MAP4: variants seen among roughly 807,000 people sequenced by gnomAD.
The protein encoded by MAP4 is microtubule associated protein 4.
A neutral mutation model predicts 170.2 loss-of-function variants in MAP4; 76 were observed. That is an observed-to-expected ratio of 0.45 (90% CI 0.37 to 0.54). The LOEUF (loss-of-function observed/expected upper bound fraction) is 0.54, where lower values mean the gene tolerates loss of function less well. Ranked by LOEUF, MAP4 falls within the 20% of genes least tolerant of loss-of-function variation. MAP4 has a pLI of 0.00. For synonymous variants in MAP4, 909 were observed against 994.5 expected (o/e 0.91, Z 1.62); for missense variants, 2,506 against 2,748.0 (o/e 0.91, Z 1.97).
intron 1 of MAP4, among the ~76,000 whole-genome samples, chr3:48,058,132 G>GT (rs905417834): frequency 5.3e-5 from 8 of 152,002 alleles, no homozygotes; most frequent in African/African-American, 1.9e-4. Context: ...TGTAAATAAA[G>GT]TAACAATACC....
chr3:47,994,630 T>C, intron 2 of MAP4, among the ~76,000 whole-genome samples: 1 of 152,156 alleles, frequency 6.6e-6, no homozygotes, highest in Non-Finnish European at 1.5e-5. Context: ...AAGACATTAT[T>C]TTATTTATAA....
chr3:47,886,006 G>T (rs1429636589), intron 10 of MAP4, among the ~76,000 whole-genome samples: 1 of 152,200 alleles, frequency 6.6e-6, no homozygotes, highest in Non-Finnish European at 1.5e-5. Context: ...GGGATTACGG[G>T]CGTGAGCCAC....
intron 9 of MAP4, among the ~76,000 whole-genome samples, chr3:47,907,700 G>T (rs1341422792): frequency 6.6e-6 from 1 of 152,182 alleles, no homozygotes; most frequent in Non-Finnish European, 1.5e-5. Context: ...GAAATTACAT[G>T]TTAACTTTTA....
At chr3:48,043,477 A>G (rs1443394733) in intron 1 of MAP4, among the ~76,000 whole-genome samples, 3 of 152,218 alleles carry the variant, frequency 2.0e-5, no homozygotes, top group Non-Finnish European at 2.9e-5. Flanking sequence ...AAAAAGAGAG[A>G]TAACACCAAA....
chr3:48,062,710 G>T (rs563970674), intron 1 of MAP4, among the ~76,000 whole-genome samples: 1 of 151,518 alleles, frequency 6.6e-6, no homozygotes, highest in Non-Finnish European at 1.5e-5. Context: ...ATCACCTGAG[G>T]TTGGGAGTTC....
intron 1 of MAP4, among the ~76,000 whole-genome samples, chr3:48,043,686 T>C (rs1579498946): frequency 1.3e-5 from 2 of 152,114 alleles, no homozygotes; most frequent in Admixed American, 1.3e-4. Flanking sequence ...AGTTAGGGGG[T>C]ACCCCTAAAA....
chr3:48,047,283 CA>C (rs1277301501), intron 1 of MAP4, among the ~76,000 whole-genome samples: 1 of 152,046 alleles, frequency 6.6e-6, no homozygotes, highest in Non-Finnish European at 1.5e-5. Context: ...TCAAACCCCT[CA>C]CCTAGATTCT....
At chr3:47,999,401 C>T (rs2100097967) in intron 1 of MAP4, among the ~76,000 whole-genome samples, 1 of 151,914 alleles carries the variant, frequency 6.6e-6, no homozygotes, top group South Asian at 2.1e-4. Flanking sequence ...AAAAAAGACA[C>T]GTTTCCCTCA....
chr3:47,928,896 G>A (rs1184907871), intron 3 of MAP4, among the ~76,000 whole-genome samples: 1 of 150,154 alleles, frequency 6.7e-6, no homozygotes, highest in African/African-American at 2.4e-5. Flanking sequence ...ATTCAATACT[G>A]TTAAGATGGC....
intron 3 of MAP4, among the ~76,000 whole-genome samples, chr3:47,928,934 G>T (rs1256153198): frequency 6.6e-6 from 1 of 151,348 alleles, no homozygotes. Flanking sequence ...ATATATTGAA[G>T]AAAGTACAAA....
At chr3:47,991,158 G>A (rs2100091928) in intron 2 of MAP4, among the ~76,000 whole-genome samples, 1 of 152,154 alleles carries the variant, frequency 6.6e-6, no homozygotes, top group Non-Finnish European at 1.5e-5. Context: ...TTCCTACTTT[G>A]TCATAAATGC....
At chr3:47,987,484 T>C in intron 2 of MAP4, 1 of 1,242,112 alleles carries the variant, frequency 8.1e-7, no homozygotes. Flanking sequence ...AAGTTACATC[T>C]AAATCCAATC....
At chr3:47,963,534 C>T (rs568902743) in intron 3 of MAP4, among the ~76,000 whole-genome samples, 21 of 152,312 alleles carry the variant, frequency 1.4e-4, no homozygotes, top group Non-Finnish European at 2.1e-4. Flanking sequence ...TAACATATTT[C>T]CAGAAAGATG....
At chr3:47,874,494 T>C (rs2094571934) in intron 12 of MAP4, among the ~76,000 whole-genome samples, 1 of 151,942 alleles carries the variant, frequency 6.6e-6, no homozygotes, top group African/African-American at 2.4e-5. Context: ...AAAAAAAAGT[T>C]CATGTATATA....
At chr3:48,053,273 G>A (rs1009884087) in intron 1 of MAP4, among the ~76,000 whole-genome samples, 6 of 152,124 alleles carry the variant, frequency 3.9e-5, no homozygotes, top group African/African-American at 1.4e-4. Context: ...ATACCACATA[G>A]CAATTAGAAA....
intron 10 of MAP4, among the ~76,000 whole-genome samples, chr3:47,887,444 G>C (rs1370911287): frequency 2.0e-5 from 3 of 152,188 alleles, no homozygotes; most frequent in East Asian, 3.8e-4. Context: ...GCTTTCCCGC[G>C]GGGCAGGGCT....
rs1344098897 is a variant in MAP4, at chr3:47,910,698, T to C, written c.3723A>G (p.Pro1241=). 2.6e-6 allele frequency: 4 copies of C among 1,535,956 alleles called. No homozygotes were observed. The highest frequency in any genetic ancestry group is 3.5e-6 in the Non-Finnish European group (4 of 1,146,882). ...RMERKEEILN[P]PFEGKDGDTG... ...TATCTCCATCCTTCCCTTCAAAAGGTGGGTTAAGGATTTCTTCCTTCCTCT... is the reference window on the plus strand; with the variant it reads ...TATCTCCATCCTTCCCTTCAAAAGGCGGGTTAAGGATTTCTTCCTTCCTCT... The change falls in exon 9 of 21, where the codon CCA becomes CCG. Residue 1241 remains proline (P), a synonymous_variant. Coordinates refer to ENST00000683076, the MANE Select transcript of MAP4 (RefSeq NM_001385682.1).
At chr3:47,977,186 G>T (rs141879049) in intron 3 of MAP4, among the ~76,000 whole-genome samples, 1 of 152,084 alleles carries the variant, frequency 6.6e-6, no homozygotes, top group Non-Finnish European at 1.5e-5. Context: ...AATAAAACAC[G>T]CAACTCTCAC....
Position 47,852,381 on chromosome 3 carries a change from G to C in MAP4, c.*553C>G, listed in dbSNP as rs769306337. ...GGCCCGACACCACCTGCATGGGGAG[G>C]GGGGGGCGCCCATTTGTGGGACCAG... On this transcript the variant is annotated 3_prime_UTR_variant, in exon 21 of 21. Transcript: ENST00000683076. 37 of 185,992 alleles carry C rather than the reference G, an allele frequency of 2.0e-4. No individual in the cohort carries two copies. Among genetic ancestry groups the C allele is most frequent in the South Asian group, 1.6e-4 (1 of 6,064 alleles). 11.5% of individuals were successfully genotyped at this position (185,992 alleles called of 1,614,324 possible).
Sources: gnomAD v4.1 joint callset for allele counts (sites outside exome capture counted in the v4.1 genomes callset) on GRCh38, gnomAD v4.1.1 for gene constraint, MANE v1.5 for transcripts, NCBI Gene and HGNC (gene_info 2026-07-23, HGNC 2026-07-21) for gene names.